DCC: variants seen among roughly 807,000 people sequenced by gnomAD.
The protein encoded by DCC is DCC netrin 1 receptor, also known as netrin receptor DCC.
Under a neutral mutation model 172.5 loss-of-function variants are expected in DCC, and 58 were observed. That is an observed-to-expected ratio of 0.34 (90% CI 0.27 to 0.42). The LOEUF (loss-of-function observed/expected upper bound fraction) is 0.42. Among genes scored for constraint, DCC ranks in the 10% least tolerant of loss-of-function variants. The probability of loss-of-function intolerance (pLI) is 1.00; values close to 1 mark genes in which losing one functional copy is unlikely to be tolerated. For missense variants in DCC, 1,740 were observed against 1,791.0 expected (o/e 0.97, Z 0.51); for synonymous variants, 709 against 644.5 (o/e 1.10, Z -1.52).
At chr18:52,521,252 A>G (rs1390290188) in intron 1 of DCC, among the ~76,000 whole-genome samples, 3 of 152,160 alleles carry the variant, frequency 2.0e-5, no homozygotes, top group Non-Finnish European at 4.4e-5. Flanking sequence ...AAGAAACTTA[A>G]ATTTATATGT....
At chr18:53,286,982 G>A (rs1475300293) in intron 12 of DCC, among the ~76,000 whole-genome samples, 5 of 150,766 alleles carry the variant, frequency 3.3e-5, no homozygotes, top group African/African-American at 4.9e-5. Flanking sequence ...TTTTTTTTTG[G>A]TGGTGAAATT....
rs141767021 is a variant in DCC, at chr18:53,416,144, G to T, written c.3151G>T (p.Ala1051Ser). 9.1e-5 allele frequency: 146 copies of T among 1,610,300 alleles called. No individual in the cohort carries two copies. The African/African-American group carries it at 1.9e-3, about 21-fold the overall frequency. ...TLKVEHPDKM[A>S]NDQGRHGDGG... Reference sequence around the variant, plus strand: ...CGCAGTGGAACACCCTGACAAAATGGCTAATGACCAAGGTATGGTGGCTCA... The same window carrying T: ...CGCAGTGGAACACCCTGACAAAATGTCTAATGACCAAGGTATGGTGGCTCA... The change falls in exon 21 of 29, where the codon GCT (alanine) becomes TCT (serine). Residue 1051 changes from alanine to serine, a missense_variant. This residue lies in a region of DCC where 1,732 missense variants were observed against 1,767.4 expected (regional missense o/e 0.98). Transcript: ENST00000442544.
In DCC at chr18:52,906,105, A is replaced by C. The variant is rs764397697; in HGVS notation, c.474A>C (p.Leu158=). ...SVTAFMGDTV[L]LKCEVIGEPM... ...CAGCCTTCATGGGAGACACAGTGCT[A>C]CTCAAGTGTGAAGTCATTGGGGAGC... is the stretch of plus-strand genomic sequence containing the variant. Residue 158 remains leucine (L), a synonymous_variant, in exon 3 of 29, where the codon CTA becomes CTC. Transcript: ENST00000442544. 5 of 1,613,002 alleles carry C rather than the reference A, an allele frequency of 3.1e-6. No individual in the cohort carries two copies. Among genetic ancestry groups the C allele is most frequent in the Non-Finnish European group, 4.2e-6 (5 of 1,179,126 alleles).
At chr18:53,186,729 G>A (rs1390503798) in intron 9 of DCC, among the ~76,000 whole-genome samples, 3 of 152,178 alleles carry the variant, frequency 2.0e-5, no homozygotes, top group South Asian at 2.1e-4. Context: ...TGTTTCTGCT[G>A]TTATAACAAA....
chr18:52,833,313 C>G (rs1439541249), intron 2 of DCC, among the ~76,000 whole-genome samples: 1 of 152,060 alleles, frequency 6.6e-6, no homozygotes, highest in Non-Finnish European at 1.5e-5. Flanking sequence ...CTTTTAGAGC[C>G]CTGGAGTTTG....
At chr18:52,405,172 A>T (rs1464703156) in intron 1 of DCC, among the ~76,000 whole-genome samples, 1 of 150,496 alleles carries the variant, frequency 6.6e-6, no homozygotes, top group East Asian at 2.0e-4. Context: ...CTTTGGGTAT[A>T]TACCCAGTAA....
rs1030324727 is a variant in DCC, at chr18:53,187,215, T to G, written c.1573+8099T>G. Reference sequence around the variant, plus strand: ...TCAGCTCACTGCAACCTCCACGTCCTGAGTTCGTGTGATTCTCCTGCCTCA... The same window carrying G: ...TCAGCTCACTGCAACCTCCACGTCCGGAGTTCGTGTGATTCTCCTGCCTCA... On this transcript the variant is annotated intron_variant, in intron 9 of 28. Transcript: ENST00000442544. Among the ~76,000 whole-genome samples the G allele has an allele frequency of 4.0e-5, 6 of 151,736 alleles. No homozygotes were observed. The East Asian group carries it at 1.2e-3, about 30-fold the overall frequency.
chr18:52,485,970 C>G (rs1226920963), intron 1 of DCC, among the ~76,000 whole-genome samples: 1 of 151,886 alleles, frequency 6.6e-6, no homozygotes, highest in African/African-American at 2.4e-5. Flanking sequence ...ATGTTTCTAT[C>G]CTTTCCCAGC....
In DCC at chr18:53,322,128, C is replaced by T; in HGVS notation, c.2135C>T (p.Thr712Ile). ...ACTGGACCACCTTCCAACTGGTATA[C>T]TGCAGAGACTCCAGAGAATGATCTA... Reference protein sequence around the residue: ...NGTGPPSNWYTAETPENDLDE... With the variant: ...NGTGPPSNWYIAETPENDLDE... Residue 712 changes from threonine (T) to isoleucine (I), a missense_variant, in exon 14 of 29, where the codon ACT (threonine) becomes ATT (isoleucine). By Grantham distance (89) the Thr-to-Ile change is moderately conservative (BLOSUM62 -1). Around this residue, in one of 2 missense-constraint regions of DCC, gnomAD observed 1,732 missense variants for 1,767.4 expected, o/e 0.98. Coordinates refer to ENST00000442544, the MANE Select transcript of DCC (RefSeq NM_005215.4). 1.3e-6 allele frequency: 2 copies of T among 1,580,822 alleles called. No homozygotes were observed. Among genetic ancestry groups the T allele is most frequent in the South Asian group, 1.1e-5 (1 of 90,436 alleles).
At chr18:53,379,542 G>C (rs1420380982) in intron 15 of DCC, among the ~76,000 whole-genome samples, 1 of 152,104 alleles carries the variant, frequency 6.6e-6, no homozygotes, top group Admixed American at 6.5e-5. Flanking sequence ...TACCTTCAGG[G>C]AAGCCTCAAA....
chr18:52,378,987 A>C (rs1027168936), intron 1 of DCC, among the ~76,000 whole-genome samples: 2 of 152,178 alleles, frequency 1.3e-5, no homozygotes, highest in African/African-American at 4.8e-5. Flanking sequence ...TGTTGTAGGA[A>C]AGGTAAAGTA....
In DCC at chr18:52,547,002, C is replaced by T. The variant is rs551658814; in HGVS notation, c.92-205052C>T. On this transcript the variant is annotated intron_variant, in intron 1 of 28. Coordinates refer to ENST00000442544, the MANE Select transcript of DCC (RefSeq NM_005215.4). ...AGCCACTGAAGGGAAAAGAGCACACCGTCTGGAGTCAGGGGATTTGGTGTG... is the reference window on the plus strand; with the variant it reads ...AGCCACTGAAGGGAAAAGAGCACACTGTCTGGAGTCAGGGGATTTGGTGTG... Among the ~76,000 whole-genome samples the T allele has an allele frequency of 5.3e-5, 8 of 152,194 alleles. No individual in the cohort carries two copies. In the South Asian group the frequency reaches 1.0e-3, roughly 20 times the overall value.
At chr18:53,234,210 A>G (rs1461589350) in intron 12 of DCC, among the ~76,000 whole-genome samples, 1 of 152,024 alleles carries the variant, frequency 6.6e-6, no homozygotes, top group Non-Finnish European at 1.5e-5. Flanking sequence ...AAATCGCACC[A>G]TCGCACTCCA....
At chr18:53,454,016 A>G (rs1371395556) in intron 23 of DCC, among the ~76,000 whole-genome samples, 1 of 152,172 alleles carries the variant, frequency 6.6e-6, no homozygotes, top group Non-Finnish European at 1.5e-5. Flanking sequence ...CACAGTTTCT[A>G]TTAGTGAGAT....
At chr18:52,716,612 T>C (rs1324458509) in intron 1 of DCC, among the ~76,000 whole-genome samples, 1 of 152,184 alleles carries the variant, frequency 6.6e-6, no homozygotes, top group Non-Finnish European at 1.5e-5. Flanking sequence ...CCCATGTCCA[T>C]ACAGATGATG....
At chr18:52,808,917 T>A (rs2038141810) in intron 2 of DCC, among the ~76,000 whole-genome samples, 1 of 152,348 alleles carries the variant, frequency 6.6e-6, no homozygotes, top group South Asian at 2.1e-4. Context: ...TAAAGCTCTT[T>A]CTTAAACTGT....
chr18:52,883,326 TTTTA>T (rs1555677283), intron 2 of DCC, among the ~76,000 whole-genome samples: 805 of 61,898 alleles, frequency 0.013, 14 homozygotes, highest in African/African-American at 0.03. Context: ...TTATTTTATT[TTTTA>T]TTTATTTATT....
intron 1 of DCC, among the ~76,000 whole-genome samples, chr18:52,656,752 G>T (rs373377725): frequency 1.1e-4 from 17 of 152,060 alleles, no homozygotes; most frequent in African/African-American, 3.4e-4. Context: ...TTCTTTTTTT[G>T]TTTGTTTGTT....
rs377046318 is a variant in DCC at position 53,192,855 on chromosome 18, G to A, written c.1574-12361G>A. 2.0e-5 allele frequency among the ~76,000 whole-genome samples: 3 copies of A among 152,146 alleles called. 1 individual carries two copies. Among genetic ancestry groups the A allele is most frequent in the African/African-American group, 2.4e-5 (1 of 41,438 alleles). ...TCCACCTACACGCATGCCCAGTTTA[G>A]TCTATTCCAGTGTTTCCTTTCTCAG... On this transcript the variant is annotated intron_variant, in intron 9 of 28. Transcript: ENST00000442544.
Sources: allele counts gnomAD v4.1 joint callset (sites outside exome capture counted in the v4.1 genomes callset), GRCh38; gene constraint gnomAD v4.1.1; regional missense constraint gnomAD v4.1.1; transcripts MANE v1.5; gene names NCBI Gene and HGNC (gene_info 2026-07-23, HGNC 2026-07-21).